PLCL1: variants seen among roughly 807,000 people sequenced by gnomAD.
PLCL1 encodes inactive phospholipase C-like protein 1.
A neutral mutation model predicts 84.4 loss-of-function variants in PLCL1; 41 were observed. The observed-to-expected ratio is 0.49, with a 90% CI of 0.38 to 0.63. The LOEUF is 0.63. Among genes scored for constraint, PLCL1 ranks in the 30% least tolerant of loss-of-function variants. The pLI, the probability that PLCL1 is intolerant of heterozygous loss-of-function variation, is 0.00. For missense variants in PLCL1, 1,206 were observed against 1,367.8 expected (o/e 0.88, Z 1.87); for synonymous variants, 490 against 488.3 (o/e 1.00, Z -0.05).
intron 1 of PLCL1, among the ~76,000 whole-genome samples, chr2:197,988,809 A>G (rs112267324): frequency 0.029 from 4,378 of 152,294 alleles, 227 homozygotes; most frequent in African/African-American, 0.099. Flanking sequence ...ACTGTTTTCC[A>G]TACAGGGTGT....
chr2:197,892,866 G>A (rs893289218), intron 1 of PLCL1, among the ~76,000 whole-genome samples: 12 of 152,010 alleles, frequency 7.9e-5, no homozygotes, highest in Middle Eastern at 3.2e-3. Flanking sequence ...GTGGTGGCAC[G>A]CGCCTGTAGT....
rs145558938 is a variant in PLCL1 at position 198,049,331 on chromosome 2, T to C, written c.241-34427T>C. ...GCCTTTTGACCCTTTGTTCTAAATC[T>C]TTTATAGAAGAGTGTAGGATGTAGA... On this transcript the variant is annotated intron_variant, in intron 1 of 5. Coordinates refer to ENST00000428675, the MANE Select transcript of PLCL1 (RefSeq NM_006226.4). Among the ~76,000 whole-genome samples the C allele has an allele frequency of 1.3e-3, 191 of 152,340 alleles. 2 individuals are homozygous for C. Among genetic ancestry groups the C allele is most frequent in the African/African-American group, 4.3e-3 (177 of 41,580 alleles).
intron 1 of PLCL1, among the ~76,000 whole-genome samples, chr2:198,018,829 C>G (rs1691061689): frequency 6.6e-6 from 1 of 152,226 alleles, no homozygotes; most frequent in African/African-American, 2.4e-5. Flanking sequence ...ACGTTCCTGC[C>G]TAACGGCTCT....
At chr2:197,813,315 T>C (rs1690626404) in intron 1 of PLCL1, among the ~76,000 whole-genome samples, 1 of 152,178 alleles carries the variant, frequency 6.6e-6, no homozygotes, top group Admixed American at 6.5e-5. Context: ...GTCCTTGAAC[T>C]TGCAGTTTCT....
intron 1 of PLCL1, among the ~76,000 whole-genome samples, chr2:197,812,797 A>G (rs763575762): frequency 6.6e-6 from 1 of 152,172 alleles, no homozygotes; most frequent in Non-Finnish European, 1.5e-5. Context: ...TGTGAGGGAG[A>G]TGGATGCACA....
intron 1 of PLCL1, among the ~76,000 whole-genome samples, chr2:197,999,079 T>G (rs1418081219): frequency 5.3e-5 from 8 of 152,168 alleles, no homozygotes; most frequent in Admixed American, 5.2e-4. Context: ...CAAGGAAAGA[T>G]CACAGAGGAA....
intron 1 of PLCL1, among the ~76,000 whole-genome samples, chr2:198,057,717 A>G (rs774275895): frequency 6.6e-6 from 1 of 152,248 alleles, no homozygotes; most frequent in Non-Finnish European, 1.5e-5. Flanking sequence ...AGTATGATGC[A>G]TGGAACTCCA....
chr2:197,944,170 G>A (rs922399027), intron 1 of PLCL1, among the ~76,000 whole-genome samples: 7 of 152,094 alleles, frequency 4.6e-5, no homozygotes, highest in South Asian at 4.2e-4. Flanking sequence ...CAAGTTAGCC[G>A]GATTTTTCAC....
intron 1 of PLCL1, among the ~76,000 whole-genome samples, chr2:198,050,519 C>A (rs559787857): frequency 1.3e-4 from 18 of 139,564 alleles, no homozygotes; most frequent in African/African-American, 2.9e-4. Flanking sequence ...ATTTTGGGAA[C>A]CTTGAGATTG....
At chr2:198,120,345 T>G (rs2105927125) in intron 5 of PLCL1, among the ~76,000 whole-genome samples, 1 of 152,150 alleles carries the variant, frequency 6.6e-6, no homozygotes, top group South Asian at 2.1e-4. Context: ...CTCTTTTAGT[T>G]ATTTTTAAAT....
intron 1 of PLCL1, among the ~76,000 whole-genome samples, chr2:197,865,206 C>T (rs1257489068): frequency 1.3e-5 from 2 of 152,086 alleles, no homozygotes; most frequent in Non-Finnish European, 2.9e-5. Flanking sequence ...GAGATCTCGC[C>T]TGGTCCTGTG....
intron 1 of PLCL1, among the ~76,000 whole-genome samples, chr2:198,007,097 G>C (rs1350795631): frequency 2.6e-5 from 4 of 152,146 alleles, no homozygotes; most frequent in Admixed American, 6.6e-5. Context: ...TGTTGCTTTG[G>C]ATGGCTGGAT....
In PLCL1 at chr2:198,020,276, G is replaced by A. The variant is rs116373688; in HGVS notation, c.241-63482G>A. On this transcript the variant is annotated intron_variant, in intron 1 of 5. Coordinates refer to ENST00000428675, the MANE Select transcript of PLCL1 (RefSeq NM_006226.4). ...GAAGGAAAAACCAGTACAAGTCACT[G>A]CAAAAGCAAACCAAAATATAAAGAC... Among the ~76,000 whole-genome samples the A allele has an allele frequency of 4.7e-3, 709 of 152,302 alleles. 4 individuals are homozygous for A. Among genetic ancestry groups the A allele is most frequent in the Non-Finnish European group, 6.3e-3 (428 of 68,024 alleles).
At chr2:197,839,392 T>A (rs1159391427) in intron 1 of PLCL1, among the ~76,000 whole-genome samples, 1 of 152,204 alleles carries the variant, frequency 6.6e-6, no homozygotes, top group Non-Finnish European at 1.5e-5. Context: ...AATTTCCACT[T>A]CAGATCATCA....
At chr2:198,026,261 G>A (rs1691262806) in intron 1 of PLCL1, among the ~76,000 whole-genome samples, 1 of 152,178 alleles carries the variant, frequency 6.6e-6, no homozygotes, top group Non-Finnish European at 1.5e-5. Context: ...AGAGCTTTTA[G>A]TAACTAATAT....
intron 1 of PLCL1, among the ~76,000 whole-genome samples, chr2:197,969,225 C>T (rs929477708): frequency 6.6e-6 from 1 of 152,124 alleles, no homozygotes; most frequent in Non-Finnish European, 1.5e-5. Flanking sequence ...AAAAGTTTGG[C>T]GACCACTGAT....
At chr2:197,960,941 A>G (rs189298287) in intron 1 of PLCL1, among the ~76,000 whole-genome samples, 116 of 152,162 alleles carry the variant, frequency 7.6e-4, no homozygotes, top group African/African-American at 2.6e-3. Context: ...TTCTTGGCAA[A>G]TAGTATTCGA....
chr2:198,144,027 G>A (rs1694457313), intron 5 of PLCL1, among the ~76,000 whole-genome samples: 1 of 152,116 alleles, frequency 6.6e-6, no homozygotes, highest in Admixed American at 6.5e-5. Context: ...TTTCTACAGA[G>A]ACTGACTTCT....
chr2:197,805,094 C>T lies in PLCL1; in HGVS notation c.-6C>T. 2 of 1,355,296 alleles carry T rather than the reference C, an allele frequency of 1.5e-6. No individual in the cohort carries two copies. The highest frequency in any genetic ancestry group is 1.9e-6 in the Non-Finnish European group (2 of 1,058,906). The allele number at this position is 1,355,296 out of a possible 1,614,324, so 84.0% of individuals were successfully genotyped here. On this transcript the variant is annotated 5_prime_UTR_variant, in exon 1 of 6. Transcript: ENST00000428675. This position sits in a 1 kb window ranked among gnomAD's most constrained non-coding sequence, Gnocchi z 4.0. ...TTCCCCCGGGGAGCCCTAAACGCTC[C>T]AGGCCATGGCCGAGGGCGCGGCCGG...
Sources: gnomAD v4.1 joint callset for allele counts (sites outside exome capture counted in the v4.1 genomes callset) on GRCh38, gnomAD v4.1.1 for gene constraint, Gnocchi (gnomAD v3.1) non-coding constraint, MANE v1.5 for transcripts, NCBI Gene and HGNC (gene_info 2026-07-23, HGNC 2026-07-21) for gene names.